RAD21: variants seen among roughly 807,000 people sequenced by gnomAD.
RAD21 encodes double-strand-break repair protein rad21 homolog.
RAD21 carries 18 observed loss-of-function variants against 71.5 expected under a neutral mutation model. The ratio of observed to expected loss-of-function variants is 0.25; its 90% confidence interval spans 0.17 to 0.37. The LOEUF is 0.37. Ranked by LOEUF, RAD21 falls within the 10% of genes least tolerant of loss-of-function variation. The pLI, the probability that RAD21 is intolerant of heterozygous loss-of-function variation, is 1.00. For synonymous variants in RAD21, 248 were observed against 254.0 expected, an observed-to-expected ratio of 0.98 and a Z score of 0.22; for missense variants, 493 against 769.1, an observed-to-expected ratio of 0.64 and a Z score of 4.25.
In RAD21 at chr8:116,852,314, C is replaced by G. The variant is rs140713255; in HGVS notation, c.1322-218G>C. ...AAAAGGACAAGTCCTACCCTCAGTA[C>G]AATGTAGGACAATTCTTTAGCAGAC... On this transcript the variant is annotated intron_variant, in intron 10 of 13. Coordinates refer to ENST00000297338, the MANE Select transcript of RAD21 (RefSeq NM_006265.3). 1.1e-3 allele frequency: 697 copies of G among 623,084 alleles called. 4 individuals carry two copies. The highest frequency in any genetic ancestry group is 0.011 in the African/African-American group (596 of 54,204). The allele number at this position is 623,084 out of a possible 1,614,324, so 38.6% of individuals were successfully genotyped here.
At chr8:116,848,162 A>G (rs986248038) in intron 13 of RAD21, among the ~76,000 whole-genome samples, 4 of 152,224 alleles carry the variant, frequency 2.6e-5, no homozygotes, top group African/African-American at 4.8e-5. Context: ...AAACAGACTA[A>G]CACAGATGCT....
rs754008925 is a variant in RAD21 at position 116,851,973 on chromosome 8, T to C, written c.1445A>G (p.Gln482Arg). ...AGGCATCACAGGCTCTGGGTCAATT[T>C]GTCCAGCTTTTCGCTTAACTCCCTG... ...PPQGVKRKAG[Q>R]IDPEPVMPPQ... Residue 482 changes from glutamine (Q) to arginine (R), a missense_variant, in exon 11 of 14, where the codon CAA becomes CGA. Physicochemically the swap from Gln to Arg is conservative, Grantham distance 43 (BLOSUM62 1). Around this residue, in one of 5 missense-constraint regions of RAD21, gnomAD observed 225 missense variants for 218.3 expected, o/e 1.03. Transcript: ENST00000297338. 1 of 1,610,414 alleles carries C rather than the reference T, an allele frequency of 6.2e-7. No individual in the cohort carries two copies. The highest frequency in any genetic ancestry group is 8.5e-7 in the Non-Finnish European group (1 of 1,177,280).
rs1812262058 is a variant in RAD21 at position 116,846,890 on chromosome 8, T to C, written c.*610A>G. ...AATAGAACACTTTAAACCAGGTCAG[T>C]CCTATCTTTTTGTAGCTGAAGGCTA... On this transcript the variant is annotated 3_prime_UTR_variant, in exon 14 of 14. Coordinates refer to ENST00000297338, the MANE Select transcript of RAD21 (RefSeq NM_006265.3). 2 of 215,564 alleles carry C rather than the reference T, an allele frequency of 9.3e-6. No homozygotes were observed. The highest frequency in any genetic ancestry group is 9.4e-6 in the Non-Finnish European group (1 of 106,906). 13.4% of individuals were successfully genotyped at this position (215,564 alleles called of 1,614,324 possible).
chr8:116,848,537 A>T (rs902740796), intron 13 of RAD21, among the ~76,000 whole-genome samples: 5 of 152,174 alleles, frequency 3.3e-5, no homozygotes, highest in Admixed American at 6.5e-5. Context: ...ATTAAAGCAC[A>T]AGGAAAAGTA....
At chr8:116,858,558 T>A (rs1282159916) in intron 4 of RAD21, 100 bp from the exon 5 acceptor site, 8 of 834,752 alleles carry the variant, frequency 9.6e-6, no homozygotes, top group Non-Finnish European at 5.5e-6. Context: ...TATATATGTA[T>A]AACCCACCAA....
At chr8:116,863,058 A>T in intron 3 of RAD21, 72 bp downstream of exon 3, 1 of 1,509,700 alleles carries the variant, frequency 6.6e-7, no homozygotes, top group Non-Finnish European at 9.0e-7. Flanking sequence ...GTGTTTAGCT[A>T]CAGTAACACA....
intron 3 of RAD21, among the ~76,000 whole-genome samples, chr8:116,862,731 C>T (rs942310211): frequency 6.6e-6 from 1 of 152,006 alleles, no homozygotes; most frequent in South Asian, 2.1e-4. Flanking sequence ...CAAAAAACTA[C>T]GAAGAATATT....
At position 116,850,722 on chromosome 8, in the gene RAD21, G is replaced by A; in HGVS notation, c.1516C>T (p.Pro506Ser). Reference protein sequence around the residue: ...QMEIPPVELPPEEPPNICQLI... With the variant: ...QMEIPPVELPSEEPPNICQLI... ...TGACAGATATTTGGAGGTTCTTCTG[G>A]GGGAAGCTCTACAGGTGGTATTTCC... The change falls in exon 12 of 14, where the codon CCA becomes TCA. Residue 506 changes from proline (P) to serine (S), a missense_variant. Pro to Ser is a moderately conservative substitution (Grantham distance 74). Around this residue, in one of 5 missense-constraint regions of RAD21, gnomAD observed 225 missense variants for 218.3 expected, o/e 1.03. Transcript: ENST00000297338. 6.2e-7 allele frequency: 1 copy of A among 1,613,340 alleles called. No individual in the cohort carries two copies.
At chr8:116,852,794 T>C (rs1028864004) in intron 9 of RAD21, 86 bp from the exon 10 acceptor site, 1 of 990,248 alleles carries the variant, frequency 1.0e-6, no homozygotes, top group African/African-American at 1.7e-5. Context: ...TCCAAAGGTA[T>C]GTTCTAATAA....
chr8:116,866,971 AC>A (rs1208418629), intron 1 of RAD21: 1 of 324,200 alleles, frequency 3.1e-6, no homozygotes, highest in Non-Finnish European at 5.5e-6. Flanking sequence ...ACCCCAAAAT[AC>A]TAAGAGCTGA....
In RAD21 at chr8:116,852,001, G is replaced by T; in HGVS notation, c.1417C>A (p.Pro473Thr). The T allele has an allele frequency of 6.2e-7, 1 of 1,612,550 alleles. No individual in the cohort carries two copies. The highest frequency in any genetic ancestry group is 8.5e-7 in the Non-Finnish European group (1 of 1,178,746). ...CCAGCTTTTCGCTTAACTCCCTGAG[G>T]TGGTGGTGGAGGCATAGCTGACTCA... Reference protein sequence around the residue: ...IDESAMPPPPPQGVKRKAGQI... With the variant: ...IDESAMPPPPTQGVKRKAGQI... The change falls in exon 11 of 14, where the codon CCT becomes ACT. Residue 473 changes from proline (P) to threonine (T), a missense_variant. Around this residue, in one of 5 missense-constraint regions of RAD21, gnomAD observed 225 missense variants for 218.3 expected, o/e 1.03. Transcript: ENST00000297338.
intron 4 of RAD21, among the ~76,000 whole-genome samples, chr8:116,861,415 T>A (rs763363255): frequency 6.6e-6 from 1 of 150,514 alleles, no homozygotes; most frequent in Non-Finnish European, 1.5e-5. Context: ...TAAAAAGTTA[T>A]CTCGTATGTT....
rs1231909634 is a variant in RAD21, at chr8:116,846,085, A to C, written c.*1415T>G. ...TGACCTTTCTAAAATCAAACATTCA[A>C]TTATCTACAATGTCTTTTTACAAAC... On this transcript the variant is annotated 3_prime_UTR_variant, in exon 14 of 14. Transcript: ENST00000297338. The C allele has an allele frequency of 4.3e-6, 1 of 230,984 alleles. No homozygotes were observed. The highest frequency in any genetic ancestry group is 2.2e-5 in the African/African-American group (1 of 45,230). The allele number at this position is 230,984 out of a possible 1,614,324, so 14.3% of individuals were successfully genotyped here.
intron 11 of RAD21, chr8:116,851,319 T>C (rs929328640): frequency 3.9e-5 from 6 of 152,258 alleles, no homozygotes; most frequent in East Asian, 3.8e-4. Flanking sequence ...AAAAATGCTC[T>C]TATTGACAAC....
chr8:116,869,403 G>C (rs1812763403), intron 1 of RAD21, among the ~76,000 whole-genome samples: 2 of 152,256 alleles, frequency 1.3e-5, no homozygotes, highest in South Asian at 4.1e-4. Flanking sequence ...AGGACAATTT[G>C]GCAAAACCCT....
intron 1 of RAD21, among the ~76,000 whole-genome samples, chr8:116,870,174 A>AT (rs931175470): frequency 2.6e-5 from 4 of 152,176 alleles, no homozygotes; most frequent in African/African-American, 9.7e-5. Flanking sequence ...AAGAAAAAAA[A>AT]CCAGGCTTTG....
Position 116,849,008 on chromosome 8 carries a change from C to T in RAD21, c.1642G>A (p.Asp548Asn). Residue 548 changes from aspartate to asparagine, a missense_variant, in exon 13 of 14, where the codon GAT becomes AAT. Transcript: ENST00000297338. Reference sequence around the variant, plus strand: ...CATCTTCTTTCTTCCTGATCTTGATCGCCCCCTGATGCATCTTCATCCTGA... The same window carrying T: ...CATCTTCTTTCTTCCTGATCTTGATTGCCCCCTGATGCATCTTCATCCTGA... Reference protein sequence around the residue: ...EEEDEDASGGDQDQEERRWNK... With the variant: ...EEEDEDASGGNQDQEERRWNK... 5 of 1,598,502 alleles carry T rather than the reference C, an allele frequency of 3.1e-6. No homozygotes were observed. The highest frequency in any genetic ancestry group is 1.1e-5 in the South Asian group (1 of 88,584).
At chr8:116,866,868 A>ATAT in intron 1 of RAD21, 107 bp from the exon 2 acceptor site, 1 of 643,574 alleles carries the variant, frequency 1.6e-6, no homozygotes. Flanking sequence ...TGAAAACTAT[A>ATAT]AAATGCTTGA....
At chr8:116,867,908 A>G (rs1812730273) in intron 1 of RAD21, among the ~76,000 whole-genome samples, 1 of 152,204 alleles carries the variant, frequency 6.6e-6, no homozygotes, top group African/African-American at 2.4e-5. Flanking sequence ...TTTGTCACAT[A>G]TGCAGATGTG....
Sources: allele counts gnomAD v4.1 joint callset (sites outside exome capture counted in the v4.1 genomes callset), GRCh38; gene constraint gnomAD v4.1.1; regional missense constraint gnomAD v4.1.1; transcripts MANE v1.5; gene names NCBI Gene and HGNC (gene_info 2026-07-23, HGNC 2026-07-21).